DLG2: variants seen among roughly 807,000 people sequenced by gnomAD.
The protein encoded by DLG2 is disks large homolog 2.
DLG2 carries 45 observed loss-of-function variants against 132.5 expected under a neutral mutation model. The observed-to-expected ratio is 0.34, with a 90% CI of 0.27 to 0.44. The LOEUF is 0.44. DLG2 is among the 20% of genes least tolerant of loss of function. The pLI is 1.00. For synonymous variants in DLG2, 424 were observed against 419.6 expected (o/e 1.01, Z -0.13); for missense variants, 1,045 against 1,196.9 (o/e 0.87, Z 1.87).
intron 2 of DLG2, among the ~76,000 whole-genome samples, chr11:85,602,879 C>T (rs1287877628): frequency 6.6e-6 from 1 of 152,156 alleles, no homozygotes; most frequent in Non-Finnish European, 1.5e-5. Context: ...AAGCTTGCTC[C>T]TTCACTTCTT....
At chr11:83,544,345 C>A (rs2096177008) in intron 19 of DLG2, among the ~76,000 whole-genome samples, 1 of 152,140 alleles carries the variant, frequency 6.6e-6, no homozygotes, top group Admixed American at 6.6e-5. Flanking sequence ...AACACACTCT[C>A]TATAGATTGC....
At chr11:84,897,228 T>C (rs2090326565) in intron 6 of DLG2, among the ~76,000 whole-genome samples, 1 of 139,616 alleles carries the variant, frequency 7.2e-6, no homozygotes, top group South Asian at 2.2e-4. Context: ...TTATATATTG[T>C]CTTCTCTTTT....
chr11:83,745,676 C>T (rs910203740), intron 18 of DLG2, among the ~76,000 whole-genome samples: 1 of 152,002 alleles, frequency 6.6e-6, no homozygotes, highest in Non-Finnish European at 1.5e-5. Context: ...GTGGCATGCA[C>T]CTGTAGTCCC....
chr11:83,787,376 C>T (rs1467426890), intron 17 of DLG2, among the ~76,000 whole-genome samples: 1 of 131,608 alleles, frequency 7.6e-6, no homozygotes, highest in Non-Finnish European at 1.5e-5. Flanking sequence ...GGCTGGAGTG[C>T]AGTGACGCGA....
At chr11:84,147,663 A>G (rs1428122529) in intron 9 of DLG2, among the ~76,000 whole-genome samples, 1 of 152,160 alleles carries the variant, frequency 6.6e-6, no homozygotes, top group Non-Finnish European at 1.5e-5. Flanking sequence ...TACTTAACAT[A>G]CTTAAATATA....
chr11:84,396,663 A>G (rs962214241), intron 7 of DLG2, among the ~76,000 whole-genome samples: 1 of 152,242 alleles, frequency 6.6e-6, no homozygotes, highest in Admixed American at 6.5e-5. Context: ...AAGAGGTACA[A>G]CTAGGCCTCT....
At chr11:83,767,486 G>A (rs2094193874) in intron 18 of DLG2, among the ~76,000 whole-genome samples, 1 of 152,096 alleles carries the variant, frequency 6.6e-6, no homozygotes, top group Non-Finnish European at 1.5e-5. Context: ...ACTAAAACAG[G>A]CTATCATTTT....
At chr11:85,395,722 G>A (rs1029605651) in intron 3 of DLG2, among the ~76,000 whole-genome samples, 8 of 97,660 alleles carry the variant, frequency 8.2e-5, no homozygotes, top group Non-Finnish European at 1.6e-4. Context: ...TGCCATTGCT[G>A]AGGCTTGAGT....
chr11:84,838,974 T>C (rs1487345746), intron 6 of DLG2, among the ~76,000 whole-genome samples: 2 of 152,058 alleles, frequency 1.3e-5, no homozygotes, highest in Non-Finnish European at 2.9e-5. Flanking sequence ...TTCAGTGTAA[T>C]GTTGGATGTT....
At chr11:84,631,010 TCTCTCTCTCACA>T (rs1392755919) in intron 6 of DLG2, among the ~76,000 whole-genome samples, 19 of 129,700 alleles carry the variant, frequency 1.5e-4, no homozygotes, top group South Asian at 2.7e-4. Flanking sequence ...TCTCTCTCTC[TCTCTCTCTCACA>T]CACACACACA....
rs575832405 is a variant in DLG2 at position 85,396,612 on chromosome 11, C to T, written c.41-111247G>A. 1.5e-4 allele frequency among the ~76,000 whole-genome samples: 23 copies of T among 152,180 alleles called. No homozygotes were observed. The South Asian group carries it at 3.5e-3, about 23-fold the overall frequency. Reference sequence around the variant, plus strand: ...CCTGATGGAGGTGAAAACCACAGCACGAGCACTTCGCGATGCATGCACAAG... The same window carrying T: ...CCTGATGGAGGTGAAAACCACAGCATGAGCACTTCGCGATGCATGCACAAG... On this transcript the variant is annotated intron_variant, in intron 3 of 27. Coordinates refer to ENST00000376104, the MANE Select transcript of DLG2 (RefSeq NM_001142699.3).
At chr11:83,853,673 TA>T (rs2060108109) in intron 16 of DLG2, among the ~76,000 whole-genome samples, 1 of 152,128 alleles carries the variant, frequency 6.6e-6, no homozygotes, top group Non-Finnish European at 1.5e-5. Context: ...AAAAAGTACC[TA>T]ATAACACCCA....
At chr11:85,116,572 A>G (rs886403878) in intron 5 of DLG2, among the ~76,000 whole-genome samples, 6 of 151,964 alleles carry the variant, frequency 3.9e-5, no homozygotes, top group African/African-American at 1.4e-4. Context: ...GTTTTCATTG[A>G]ATTAGTTTTC....
chr11:83,989,034 T>A (rs975740239), intron 11 of DLG2, among the ~76,000 whole-genome samples: 1 of 152,020 alleles, frequency 6.6e-6, no homozygotes. Flanking sequence ...TAAATATGTA[T>A]TAAGTGAAAG....
At chr11:85,107,635 T>C (rs2071989338) in intron 6 of DLG2, among the ~76,000 whole-genome samples, 1 of 152,000 alleles carries the variant, frequency 6.6e-6, no homozygotes, top group Non-Finnish European at 1.5e-5. Context: ...TGTTTGCAGA[T>C]GGCAGAAGCT....
chr11:85,137,842 G>A (rs934594292), intron 5 of DLG2, among the ~76,000 whole-genome samples: 1 of 152,184 alleles, frequency 6.6e-6, no homozygotes, highest in East Asian at 1.9e-4. Flanking sequence ...CTGCAGGCAG[G>A]TCATGGCAAA....
At chr11:83,948,824 T>C (rs1421420139) in intron 14 of DLG2, among the ~76,000 whole-genome samples, 1 of 152,178 alleles carries the variant, frequency 6.6e-6, no homozygotes, top group Non-Finnish European at 1.5e-5. Context: ...AGGATTTACC[T>C]CATGGAGTGA....
intron 6 of DLG2, among the ~76,000 whole-genome samples, chr11:84,882,018 C>G (rs1456752507): frequency 6.6e-6 from 1 of 152,034 alleles, no homozygotes; most frequent in Non-Finnish European, 1.5e-5. Flanking sequence ...GGCTATTGTT[C>G]TCAGATTTGA....
intron 3 of DLG2, among the ~76,000 whole-genome samples, chr11:85,587,433 C>CT: frequency 6.6e-6 from 1 of 152,158 alleles, no homozygotes; most frequent in Non-Finnish European, 1.5e-5. Flanking sequence ...TTGGATGGAT[C>CT]TTTTTATCAT....
Sources: allele counts gnomAD v4.1 joint callset (sites outside exome capture counted in the v4.1 genomes callset), GRCh38; gene constraint gnomAD v4.1.1; transcripts MANE v1.5; gene names NCBI Gene and HGNC (gene_info 2026-07-23, HGNC 2026-07-21).